Variants in EDIL3 observed in about 807,000 individuals in gnomAD.
EDIL3 encodes the protein EGF like and discoidin domains 3.
EDIL3 carries 37 observed loss-of-function variants against 67.4 expected under a neutral mutation model. That is an observed-to-expected ratio of 0.55 (90% confidence interval 0.42 to 0.72). The LOEUF is 0.72. EDIL3 is among the 30% of genes least tolerant of loss of function. The pLI, the probability that EDIL3 is intolerant of heterozygous loss-of-function variation, is 0.00. For missense variants in EDIL3, 527 were observed against 586.3 expected, an observed-to-expected ratio of 0.90 and a Z score of 1.04; for synonymous variants, 195 against 196.3, an observed-to-expected ratio of 0.99 and a Z score of 0.05.
chr5:84,288,798 T>C (rs1745859494), intron 1 of EDIL3, among the ~76,000 whole-genome samples: 1 of 152,150 alleles, frequency 6.6e-6, no homozygotes, highest in Non-Finnish European at 1.5e-5. Context: ...CCAAATGTCA[T>C]ACTACACATT....
At chr5:84,262,574 C>T (rs760808617) in intron 1 of EDIL3, among the ~76,000 whole-genome samples, 8 of 143,772 alleles carry the variant, frequency 5.6e-5, no homozygotes, top group Non-Finnish European at 1.2e-4. Context: ...TCCCTACAAA[C>T]ATGTAATCCT....
chr5:84,336,058 C>T (rs987898726), intron 1 of EDIL3, among the ~76,000 whole-genome samples: 6 of 152,156 alleles, frequency 3.9e-5, no homozygotes, highest in African/African-American at 1.4e-4. Flanking sequence ...ATATGTCCCA[C>T]CTCTTAATAC....
intron 1 of EDIL3, among the ~76,000 whole-genome samples, chr5:84,302,986 C>A (rs966407692): frequency 6.6e-6 from 1 of 152,168 alleles, no homozygotes; most frequent in Non-Finnish European, 1.5e-5. Flanking sequence ...AGATAGGTAG[C>A]TTCTGTTCTA....
intron 9 of EDIL3, among the ~76,000 whole-genome samples, chr5:84,042,192 T>C (rs777075191): frequency 2.5e-4 from 38 of 152,166 alleles, no homozygotes; most frequent in Non-Finnish European, 4.4e-4. Flanking sequence ...ATAATGGCTA[T>C]AAATATCACT....
rs1218182869 is a variant in EDIL3 at position 84,373,037 on chromosome 5, G to A, written c.67+11271C>T. Among the ~76,000 whole-genome samples the A allele has an allele frequency of 4.6e-5, 7 of 152,014 alleles. 1 individual carries two copies. The East Asian group carries it at 1.4e-3, about 29-fold the overall frequency. ...TATAACTTCTGGGTCTGAACATGTG[G>A]TACCAGTTCCTTTGCTGCTCCAGGC... On this transcript the variant is annotated intron_variant, in intron 1 of 10. Transcript: ENST00000296591.
intron 6 of EDIL3, among the ~76,000 whole-genome samples, chr5:84,079,930 G>T (rs1580316998): frequency 6.6e-6 from 1 of 151,830 alleles, no homozygotes; most frequent in East Asian, 1.9e-4. Context: ...GAAGGCTTGG[G>T]TGGTGAGAAG....
In EDIL3 at chr5:84,075,892, A is replaced by G. The variant is rs989819496; in HGVS notation, c.652-9286T>C. On this transcript the variant is annotated intron_variant, in intron 6 of 10. Transcript: ENST00000296591. The stretch of plus-strand genomic sequence containing the variant: ...CAAACACGTGCAAAAGTGTGCACGC[A>G]CACACACACACACACACACACACAC... Among the ~76,000 whole-genome samples, 208 of 35,132 alleles carry G rather than the reference A, an allele frequency of 5.9e-3. 1 individual carries two copies. The highest frequency in any genetic ancestry group is 0.015 in the African/African-American group (199 of 13,010). The allele number at this position is 35,132 out of a possible 152,430, so 23.0% of individuals were successfully genotyped here.
chr5:84,312,445 C>A (rs557818074), intron 1 of EDIL3, among the ~76,000 whole-genome samples: 2 of 143,140 alleles, frequency 1.4e-5, no homozygotes, highest in African/African-American at 2.6e-5. Context: ...CCTCACTTCC[C>A]AGTAGGGGCG....
intron 4 of EDIL3, among the ~76,000 whole-genome samples, chr5:84,154,015 T>C (rs761389938): frequency 6.6e-6 from 1 of 152,148 alleles, no homozygotes; most frequent in Non-Finnish European, 1.5e-5. Context: ...TTGCTGAGGT[T>C]TGGGCTGAAG....
intron 9 of EDIL3, among the ~76,000 whole-genome samples, chr5:84,021,723 A>C (rs541821197): frequency 6.6e-6 from 1 of 152,128 alleles, no homozygotes; most frequent in East Asian, 1.9e-4. Context: ...CATTTGGCCT[A>C]AGTCAGCTAA....
At chr5:84,141,906 C>CATATATATATATATATACACATATATAT (rs1163684948) in intron 4 of EDIL3, among the ~76,000 whole-genome samples, 5 of 96,856 alleles carry the variant, frequency 5.2e-5, no homozygotes, top group Admixed American at 1.2e-4. Flanking sequence ...ACAAACTACT[C>CATATATATATATATATACACATATATAT]ATATATATAT....
chr5:83,947,691 A>C (rs768904331), intron 10 of EDIL3, among the ~76,000 whole-genome samples: 1 of 151,990 alleles, frequency 6.6e-6, no homozygotes, highest in Non-Finnish European at 1.5e-5. Flanking sequence ...ACAGGTATGT[A>C]TTTAGACAGT....
intron 1 of EDIL3, among the ~76,000 whole-genome samples, chr5:84,270,163 TATA>T (rs1182322507): frequency 2.0e-5 from 3 of 152,218 alleles, no homozygotes; most frequent in Non-Finnish European, 4.4e-5. Flanking sequence ...ACTGATTTTT[TATA>T]ATAAGAAAAA....
chr5:84,268,725 G>A (rs1229202114), intron 1 of EDIL3, among the ~76,000 whole-genome samples: 1 of 152,066 alleles, frequency 6.6e-6, no homozygotes, highest in East Asian at 1.9e-4. Context: ...TTTAACCATG[G>A]CAGTATAATT....
chr5:84,363,457 A>G (rs954714830), intron 1 of EDIL3, among the ~76,000 whole-genome samples: 1 of 152,090 alleles, frequency 6.6e-6, no homozygotes, highest in African/African-American at 2.4e-5. Flanking sequence ...AAAAAAAAAA[A>G]AAAAAGAGCT....
intron 8 of EDIL3, among the ~76,000 whole-genome samples, chr5:84,062,318 C>T (rs1746559971): frequency 6.6e-6 from 1 of 152,036 alleles, no homozygotes; most frequent in Non-Finnish European, 1.5e-5. Context: ...CCCATCTTTG[C>T]CTCTACCTGC....
At chr5:84,075,031 G>A (rs1746823917) in intron 6 of EDIL3, among the ~76,000 whole-genome samples, 1 of 152,274 alleles carries the variant, frequency 6.6e-6, no homozygotes, top group African/African-American at 2.4e-5. Context: ...AAAAAATGAT[G>A]AGCTCATGTT....
chr5:84,021,983 C>T (rs1745725547), intron 9 of EDIL3, among the ~76,000 whole-genome samples: 2 of 151,832 alleles, frequency 1.3e-5, no homozygotes, highest in African/African-American at 4.8e-5. Flanking sequence ...TAAAGAAGAA[C>T]TAATACCAAT....
intron 9 of EDIL3, among the ~76,000 whole-genome samples, chr5:83,986,931 T>C (rs1279876612): frequency 6.6e-6 from 1 of 152,030 alleles, no homozygotes; most frequent in African/African-American, 2.4e-5. Flanking sequence ...GAATGGAAGG[T>C]TTGAGTGAAT....
Sources: gnomAD v4.1 joint callset for allele counts (sites outside exome capture counted in the v4.1 genomes callset) on GRCh38, gnomAD v4.1.1 for gene constraint, MANE v1.5 for transcripts, NCBI Gene and HGNC (gene_info 2026-07-23, HGNC 2026-07-21) for gene names.